Variants in TRIM24 observed in about 807,000 individuals in gnomAD.
The protein encoded by TRIM24 is tripartite motif containing 24.
A neutral mutation model predicts 123.9 loss-of-function variants in TRIM24; 29 were observed. That is an observed-to-expected ratio of 0.23 (90% CI 0.17 to 0.32). TRIM24 has a LOEUF of 0.32. Among genes scored for constraint, TRIM24 ranks in the 10% least tolerant of loss-of-function variants. TRIM24 has a pLI of 1.00. For synonymous variants in TRIM24, 456 were observed against 461.1 expected, an observed-to-expected ratio of 0.99 and a Z score of 0.14; for missense variants, 932 against 1,295.3, an observed-to-expected ratio of 0.72 and a Z score of 4.31.
intron 6 of TRIM24, among the ~76,000 whole-genome samples, chr7:138,536,095 G>A (rs1414709276): frequency 2.0e-5 from 3 of 152,038 alleles, no homozygotes; most frequent in African/African-American, 4.8e-5. Context: ...CTCTACACTG[G>A]TTATTCTAGT....
At chr7:138,583,235 G>A (rs1159032328) in intron 17 of TRIM24, among the ~76,000 whole-genome samples, 1 of 152,152 alleles carries the variant, frequency 6.6e-6, no homozygotes, top group Non-Finnish European at 1.5e-5. Flanking sequence ...TACTAGAAAT[G>A]ATATTCTTCC....
At chr7:138,565,798 A>G (rs920220545) in intron 9 of TRIM24, among the ~76,000 whole-genome samples, 2 of 152,220 alleles carry the variant, frequency 1.3e-5, no homozygotes, top group Non-Finnish European at 2.9e-5. Flanking sequence ...CATGAAATTC[A>G]TGGTGTAGGC....
chr7:138,497,276 C>G (rs1188558278), intron 1 of TRIM24, among the ~76,000 whole-genome samples: 4 of 152,004 alleles, frequency 2.6e-5, no homozygotes, highest in Admixed American at 2.0e-4. Context: ...CCTTGTTCCC[C>G]AGGCTGGTCT....
At chr7:138,578,563 T>TGTGTGTGTGTGCGCGCGCGC (rs145011901) in intron 14 of TRIM24, among the ~76,000 whole-genome samples, 1 of 144,990 alleles carries the variant, frequency 6.9e-6, no homozygotes, top group African/African-American at 2.6e-5. Context: ...TGTGTGTGTG[T>TGTGTGTGTGTGCGCGCGCGC]GCGCGCACGC....
intron 7 of TRIM24, 96 bp downstream of exon 7, chr7:138,538,899 T>C: frequency 8.7e-7 from 1 of 1,151,946 alleles, no homozygotes; most frequent in Non-Finnish European, 1.2e-6. Flanking sequence ...TGTGCATCAG[T>C]GCTTTTTACC....
In TRIM24 at chr7:138,460,899, G is replaced by A; in HGVS notation, c.351G>A (p.Pro117=). ...APGSPVSGSS[P]FATQVGVIRC... ...GCTCGCCGGTCAGCGGCTCGTCGCCGTTCGCCACCCAAGGTGAGAACCGGC... is the reference window on the plus strand; with the variant it reads ...GCTCGCCGGTCAGCGGCTCGTCGCCATTCGCCACCCAAGGTGAGAACCGGC... Residue 117 remains proline (P), a synonymous_variant, in exon 1 of 19, where the codon CCG becomes CCA. Transcript: ENST00000343526. 2 of 1,506,648 alleles carry A rather than the reference G, an allele frequency of 1.3e-6. No individual in the cohort carries two copies. The highest frequency in any genetic ancestry group is 1.2e-5 in the South Asian group (1 of 81,550). 93.3% of individuals were successfully genotyped at this position (1,506,648 alleles called of 1,614,324 possible).
chr7:138,467,820 A>T (rs1795180060), intron 1 of TRIM24, among the ~76,000 whole-genome samples: 1 of 152,096 alleles, frequency 6.6e-6, no homozygotes, highest in African/African-American at 2.4e-5. Flanking sequence ...TAAAATTTTC[A>T]TTTCAAACTG....
At position 138,584,021 on chromosome 7, in the gene TRIM24, G is replaced by A. The variant is rs753029940; in HGVS notation, c.2943+22G>A. On this transcript the variant is annotated intron_variant, in intron 18 of 18. Transcript: ENST00000343526. ...TGAGGTGAGGCTAGGGGAGGGAAGG[G>A]GGCAGGAAGGAACAGCAGTGTGAAA... 2.5e-6 allele frequency: 4 copies of A among 1,585,774 alleles called. No individual in the cohort carries two copies. In the South Asian group the frequency reaches 4.8e-5, roughly 19 times the overall value.
At chr7:138,480,796 A>AT (rs1795509438) in intron 1 of TRIM24, among the ~76,000 whole-genome samples, 2 of 151,798 alleles carry the variant, frequency 1.3e-5, no homozygotes, top group African/African-American at 4.8e-5. Context: ...CAATCTTTTT[A>AT]TTTTTTGGCA....
At chr7:138,489,918 T>A (rs890136238) in intron 1 of TRIM24, among the ~76,000 whole-genome samples, 1 of 152,236 alleles carries the variant, frequency 6.6e-6, no homozygotes, top group Non-Finnish European at 1.5e-5. Context: ...GTTGGAGAAG[T>A]TCTCCTGGAT....
At chr7:138,468,279 G>C (rs1341845125) in intron 1 of TRIM24, among the ~76,000 whole-genome samples, 1 of 151,960 alleles carries the variant, frequency 6.6e-6, no homozygotes, top group Non-Finnish European at 1.5e-5. Context: ...TCCTTTTTTT[G>C]TTAATGTATG....
chr7:138,463,050 T>TTG (rs1554429467), intron 1 of TRIM24, among the ~76,000 whole-genome samples: 2 of 126,918 alleles, frequency 1.6e-5, no homozygotes, highest in Non-Finnish European at 1.7e-5. Flanking sequence ...TGTGTTTTTT[T>TTG]TTTTTTTTTT....
At chr7:138,487,354 G>C (rs900878951) in intron 1 of TRIM24, among the ~76,000 whole-genome samples, 1 of 152,096 alleles carries the variant, frequency 6.6e-6, no homozygotes, top group African/African-American at 2.4e-5. Context: ...TGATTGCCCT[G>C]GCCAGAACTT....
chr7:138,571,834 G>A (rs1268091242), intron 11 of TRIM24, among the ~76,000 whole-genome samples: 2 of 152,144 alleles, frequency 1.3e-5, no homozygotes, highest in African/African-American at 2.4e-5. Flanking sequence ...GCCTCCTAAA[G>A]TGCTGGGATT....
intron 1 of TRIM24, among the ~76,000 whole-genome samples, chr7:138,483,162 T>A (rs1795567498): frequency 6.6e-6 from 1 of 151,948 alleles, no homozygotes. Context: ...TCCTCTGGCC[T>A]CAAATGCCTA....
intron 1 of TRIM24, among the ~76,000 whole-genome samples, chr7:138,477,766 T>G (rs1284629976): frequency 6.6e-6 from 1 of 152,190 alleles, no homozygotes; most frequent in African/African-American, 2.4e-5. Context: ...ATTCTCAGGA[T>G]AATGATGAAG....
intron 16 of TRIM24, 125 bp downstream of exon 16, chr7:138,580,819 T>C (rs1049747016): frequency 5.5e-5 from 53 of 962,632 alleles, no homozygotes; most frequent in Non-Finnish European, 7.4e-5. Flanking sequence ...GTATTTTTTT[T>C]TGTTTACAAA....
At chr7:138,566,257 T>C (rs534603256) in intron 9 of TRIM24, among the ~76,000 whole-genome samples, 3 of 152,336 alleles carry the variant, frequency 2.0e-5, no homozygotes, top group Admixed American at 2.0e-4. Flanking sequence ...GGCTCAAGCC[T>C]GTAATCCCAG....
chr7:138,465,955 C>T (rs913440077), intron 1 of TRIM24, among the ~76,000 whole-genome samples: 1 of 152,178 alleles, frequency 6.6e-6, no homozygotes, highest in African/African-American at 2.4e-5. Context: ...CAGTTCTCTC[C>T]AAAGTTTGTT....
Sources: allele counts gnomAD v4.1 joint callset (sites outside exome capture counted in the v4.1 genomes callset), GRCh38; gene constraint gnomAD v4.1.1; transcripts MANE v1.5; gene names NCBI Gene and HGNC (gene_info 2026-07-23, HGNC 2026-07-21).